TRABD2B: variants seen among roughly 807,000 people sequenced by gnomAD.
The protein encoded by TRABD2B is metalloprotease TIKI2.
Under a neutral mutation model 40.1 loss-of-function variants are expected in TRABD2B, and 14 were observed. The ratio of observed to expected loss-of-function variants is 0.35; its 90% CI spans 0.23 to 0.55. The LOEUF (loss-of-function observed/expected upper bound fraction) is 0.55. Among genes scored for constraint, TRABD2B ranks in the 20% least tolerant of loss-of-function variants. The pLI, the probability that TRABD2B is intolerant of heterozygous loss-of-function variation, is 0.90. For synonymous variants in TRABD2B, 263 were observed against 277.0 expected (o/e 0.95, Z 0.50); for missense variants, 541 against 648.6 (o/e 0.83, Z 1.80).
At chr1:47,825,768 G>A (rs1237701953) in intron 2 of TRABD2B, among the ~76,000 whole-genome samples, 4 of 152,082 alleles carry the variant, frequency 2.6e-5, no homozygotes, top group Non-Finnish European at 5.9e-5. Flanking sequence ...GGAAGTGGCT[G>A]AGTTCCCAGC....
At chr1:47,793,213 G>T (rs868098151) in intron 4 of TRABD2B, among the ~76,000 whole-genome samples, 1 of 152,172 alleles carries the variant, frequency 6.6e-6, no homozygotes, top group East Asian at 1.9e-4. Flanking sequence ...CTGTTCAGAT[G>T]GGTAAACTGA....
Position 47,784,654 on chromosome 1 carries a change from C to T in TRABD2B, c.989-6110G>A, listed in dbSNP as rs564835242. Among the ~76,000 whole-genome samples the T allele has an allele frequency of 2.7e-4, 41 of 152,244 alleles. 1 individual carries two copies. The highest frequency in any genetic ancestry group is 8.4e-4 in the African/African-American group (35 of 41,540). ...AGGCCGGCCGGATATCAAGCTATGG[C>T]GGTGTTTTTTTTCCTGAGGAAGTAT... On this transcript the variant is annotated intron_variant, in intron 4 of 6. Coordinates refer to ENST00000606738, the MANE Select transcript of TRABD2B (RefSeq NM_001194986.2).
chr1:47,978,707 A>C (rs1645796630), intron 2 of TRABD2B, among the ~76,000 whole-genome samples: 1 of 152,172 alleles, frequency 6.6e-6, no homozygotes, highest in Non-Finnish European at 1.5e-5. Context: ...TTTTCTCATA[A>C]ACAAATCAGC....
At chr1:47,799,005 G>A (rs1420264648) in intron 3 of TRABD2B, among the ~76,000 whole-genome samples, 2 of 152,126 alleles carry the variant, frequency 1.3e-5, no homozygotes, top group African/African-American at 4.8e-5. Flanking sequence ...GAATCCAGGT[G>A]GCCCAATCCA....
intron 2 of TRABD2B, among the ~76,000 whole-genome samples, chr1:47,968,462 G>A (rs539387728): frequency 6.7e-4 from 102 of 152,268 alleles, no homozygotes; most frequent in South Asian, 1.9e-3. Context: ...GCAGCTAGAG[G>A]AAGTACAGCT....
At chr1:47,850,417 A>C (rs949178017) in intron 2 of TRABD2B, among the ~76,000 whole-genome samples, 6 of 152,266 alleles carry the variant, frequency 3.9e-5, no homozygotes, top group South Asian at 2.1e-4. Flanking sequence ...AGCTTGGCCA[A>C]AATAATCCGA....
intron 2 of TRABD2B, among the ~76,000 whole-genome samples, chr1:47,854,484 T>A (rs12086414): frequency 0.32 from 48,594 of 152,082 alleles, 8,097 homozygotes; most frequent in Non-Finnish European, 0.37. Flanking sequence ...GCACAAATGT[T>A]TTATCCAATC....
chr1:47,805,235 T>G (rs10890501), intron 2 of TRABD2B, among the ~76,000 whole-genome samples: 47,873 of 150,996 alleles, frequency 0.32, 8,020 homozygotes, highest in Non-Finnish European at 0.38. Flanking sequence ...CCCACATTCA[T>G]CCACACACAC....
At chr1:47,771,115 T>C (rs1644372236) in intron 6 of TRABD2B, among the ~76,000 whole-genome samples, 1 of 152,126 alleles carries the variant, frequency 6.6e-6, no homozygotes, top group Admixed American at 6.5e-5. Flanking sequence ...TCTGATGGGG[T>C]CCTGTCCTCA....
At chr1:47,931,559 A>C (rs1323043131) in intron 2 of TRABD2B, among the ~76,000 whole-genome samples, 1 of 152,010 alleles carries the variant, frequency 6.6e-6, no homozygotes, top group African/African-American at 2.4e-5. Context: ...CCTGGCATAC[A>C]TGCATGGGTT....
intron 2 of TRABD2B, among the ~76,000 whole-genome samples, chr1:47,978,940 T>A (rs1645800528): frequency 6.6e-6 from 1 of 152,160 alleles, no homozygotes; most frequent in East Asian, 1.9e-4. Context: ...GGAAGTTTCC[T>A]CCAGTCCAAG....
intron 2 of TRABD2B, among the ~76,000 whole-genome samples, chr1:47,988,130 G>A (rs756941297): frequency 6.6e-6 from 1 of 152,136 alleles, no homozygotes; most frequent in Non-Finnish European, 1.5e-5. Flanking sequence ...GCCCAGAGAG[G>A]GCTGGAGGAC....
intron 6 of TRABD2B, among the ~76,000 whole-genome samples, chr1:47,772,921 T>G (rs1167954785): frequency 6.6e-6 from 1 of 152,206 alleles, no homozygotes; most frequent in Non-Finnish European, 1.5e-5. Context: ...AACTGCAATT[T>G]ACCTGTGGGG....
intron 2 of TRABD2B, among the ~76,000 whole-genome samples, chr1:47,957,563 G>A (rs1054905866): frequency 2.6e-5 from 4 of 152,260 alleles, no homozygotes; most frequent in African/African-American, 4.8e-5. Flanking sequence ...ACTTCATGAC[G>A]CATGCACAAG....
chr1:47,892,524 G>C (rs1419339466), intron 2 of TRABD2B, among the ~76,000 whole-genome samples: 2 of 152,192 alleles, frequency 1.3e-5, no homozygotes, highest in African/African-American at 2.4e-5. Context: ...GGTCTCCTCG[G>C]TACAAAGTAA....
intron 2 of TRABD2B, among the ~76,000 whole-genome samples, chr1:47,939,301 G>GAGCA (rs1645155286): frequency 6.6e-6 from 1 of 152,186 alleles, no homozygotes. Flanking sequence ...GACATTCAAT[G>GAGCA]AGCAGGCTGG....
rs192489276 is a variant in TRABD2B at position 47,832,924 on chromosome 1, C to T, written c.667-31305G>A. ...GTAACTCCCTGAAAAAGTGACCCTC[C>T]ACCTGGCTGTCACAGTCATAGGCTC... is the stretch of plus-strand genomic sequence containing the variant. On this transcript the variant is annotated intron_variant, in intron 2 of 6. Coordinates refer to ENST00000606738, the MANE Select transcript of TRABD2B (RefSeq NM_001194986.2). Among the ~76,000 whole-genome samples, 49 of 152,244 alleles carry T rather than the reference C, an allele frequency of 3.2e-4. No homozygotes were observed. In the East Asian group the frequency reaches 8.7e-3, roughly 27 times the overall value.
In TRABD2B at chr1:47,866,839, C is replaced by A. The variant is rs115710228; in HGVS notation, c.667-65220G>T. Among the ~76,000 whole-genome samples the A allele has an allele frequency of 1.6e-3, 238 of 152,282 alleles. 3 individuals carry two copies. The highest frequency in any genetic ancestry group is 5.4e-3 in the African/African-American group (226 of 41,562). ...TTTCTAACAAACACCCAAATGAAGG[C>A]AGGCTGAAAGGCCTTGGGCGCCCCA... On this transcript the variant is annotated intron_variant, in intron 2 of 6. Transcript: ENST00000606738.
intron 2 of TRABD2B, among the ~76,000 whole-genome samples, chr1:47,894,389 G>A (rs1644489699): frequency 6.6e-6 from 1 of 152,178 alleles, no homozygotes; most frequent in Non-Finnish European, 1.5e-5. Flanking sequence ...TTGACACATG[G>A]CAGGCACTCA....
Sources: gnomAD v4.1 joint callset for allele counts (sites outside exome capture counted in the v4.1 genomes callset) on GRCh38, gnomAD v4.1.1 for gene constraint, MANE v1.5 for transcripts, NCBI Gene and HGNC (gene_info 2026-07-23, HGNC 2026-07-21) for gene names.